Variants in RTN1 observed in about 807,000 individuals in gnomAD.
RTN1 encodes reticulon-1.
Under a neutral mutation model 65.5 loss-of-function variants are expected in RTN1, and 25 were observed. That is an observed-to-expected ratio of 0.38 (90% CI 0.28 to 0.53). The LOEUF is 0.53. Ranked by LOEUF, RTN1 falls within the 20% of genes least tolerant of loss-of-function variation. The probability of loss-of-function intolerance (pLI) is 0.79; values close to 1 mark genes in which losing one functional copy is unlikely to be tolerated. For missense variants in RTN1, 983 were observed against 1,025.4 expected, an observed-to-expected ratio of 0.96 and a Z score of 0.57; for synonymous variants, 471 against 447.6, an observed-to-expected ratio of 1.05 and a Z score of -0.66.
At chr14:59,827,370 G>A (rs938454584) in intron 1 of RTN1, among the ~76,000 whole-genome samples, 3 of 152,100 alleles carry the variant, frequency 2.0e-5, no homozygotes, top group Non-Finnish European at 2.9e-5. Flanking sequence ...GAGCCACCGC[G>A]CCCCGCTGTA....
intron 3 of RTN1, among the ~76,000 whole-genome samples, chr14:59,664,525 CATT>C (rs1883324098): frequency 6.6e-6 from 1 of 152,044 alleles, no homozygotes; most frequent in African/African-American, 2.4e-5. Flanking sequence ...AGGCAACTAA[CATT>C]ATTTTTTATT....
At chr14:59,844,414 C>A (rs990232579) in intron 1 of RTN1, among the ~76,000 whole-genome samples, 1 of 152,142 alleles carries the variant, frequency 6.6e-6, no homozygotes, top group African/African-American at 2.4e-5. Context: ...GTTTTAAAAC[C>A]TTTAAAAGGT....
At chr14:59,620,909 C>T (rs974140564) in intron 3 of RTN1, among the ~76,000 whole-genome samples, 1 of 152,124 alleles carries the variant, frequency 6.6e-6, no homozygotes, top group Non-Finnish European at 1.5e-5. Context: ...CTGGGAATGA[C>T]GGACAGTCTA....
intron 3 of RTN1, among the ~76,000 whole-genome samples, chr14:59,708,763 A>G (rs76989983): frequency 1.3e-3 from 193 of 152,376 alleles, no homozygotes; most frequent in African/African-American, 4.6e-3. Context: ...CCAGTTACTA[A>G]GAAGTCAGGA....
chr14:59,723,504 C>A (rs1021798852), intron 3 of RTN1, among the ~76,000 whole-genome samples: 9 of 151,782 alleles, frequency 5.9e-5, no homozygotes, highest in African/African-American at 2.2e-4. Flanking sequence ...GTAGTCCCAG[C>A]TACTCGGGAG....
intron 1 of RTN1, among the ~76,000 whole-genome samples, chr14:59,808,676 TG>T (rs1393269222): frequency 6.6e-6 from 1 of 152,140 alleles, no homozygotes; most frequent in Non-Finnish European, 1.5e-5. Flanking sequence ...ATGTTGGCAG[TG>T]GGGCTTGGTG....
chr14:59,755,933 G>C (rs151292701), intron 1 of RTN1, among the ~76,000 whole-genome samples: 19 of 152,298 alleles, frequency 1.2e-4, no homozygotes, highest in African/African-American at 3.6e-4. Flanking sequence ...TTTAAAGCTT[G>C]TCTGCCAGAA....
At chr14:59,725,588 T>C (rs1420527417) in intron 3 of RTN1, among the ~76,000 whole-genome samples, 2 of 152,224 alleles carry the variant, frequency 1.3e-5, no homozygotes, top group Non-Finnish European at 2.9e-5. Context: ...GTATCTTCCC[T>C]ATCACACACA....
At position 59,671,400 on chromosome 14, in the gene RTN1, T is replaced by C. The variant is rs190524828; in HGVS notation, c.1765+55519A>G. Among the ~76,000 whole-genome samples the C allele has an allele frequency of 2.7e-3, 409 of 152,310 alleles. 2 individuals carry two copies. Among genetic ancestry groups the C allele is most frequent in the African/African-American group, 9.1e-3 (377 of 41,558 alleles). On this transcript the variant is annotated intron_variant, in intron 3 of 8. Transcript: ENST00000267484. ...ACATGGAAGGAAGATTACTTGTAACTCATATACAAACCAAAGAGCAGAGAA... is the reference window on the plus strand; with the variant it reads ...ACATGGAAGGAAGATTACTTGTAACCCATATACAAACCAAAGAGCAGAGAA...
intron 3 of RTN1, among the ~76,000 whole-genome samples, chr14:59,621,639 CA>C (rs1223302532): frequency 6.6e-6 from 1 of 152,084 alleles, no homozygotes; most frequent in East Asian, 1.9e-4. Flanking sequence ...CAATCAATAA[CA>C]AAAGAAGAAT....
chr14:59,607,653 T>G, intron 3 of RTN1, 161 bp from the exon 4 acceptor site: 1 of 637,818 alleles, frequency 1.6e-6, no homozygotes, highest in Non-Finnish European at 2.8e-6. Flanking sequence ...GGGCACTTAC[T>G]GTCATTCCAC....
chr14:59,803,300 C>T lies in RTN1; in HGVS notation c.242-56819G>A, dbSNP rs1390300977. 6.6e-6 allele frequency among the ~76,000 whole-genome samples: 1 copy of T among 152,160 alleles called. No homozygotes were observed. Among genetic ancestry groups the T allele is most frequent in the African/African-American group, 2.4e-5 (1 of 41,438 alleles). Reference sequence around the variant, plus strand: ...GGTCACAATTGAACAAATGCCTTTACAAGCTAAGAATTCAATCCAGATGTG... The same window carrying T: ...GGTCACAATTGAACAAATGCCTTTATAAGCTAAGAATTCAATCCAGATGTG... On this transcript the variant is annotated intron_variant, in intron 1 of 8. Transcript: ENST00000267484. The surrounding 1 kb of genome is among the most constrained non-coding windows in gnomAD (Gnocchi z 5.6).
intron 3 of RTN1, among the ~76,000 whole-genome samples, chr14:59,611,388 G>A (rs1452775908): frequency 1.3e-5 from 2 of 152,216 alleles, no homozygotes; most frequent in Non-Finnish European, 2.9e-5. Context: ...TAATTGCAAT[G>A]GAGAAATAGT....
chr14:59,647,517 G>A (rs1186351852), intron 3 of RTN1, among the ~76,000 whole-genome samples: 1 of 152,102 alleles, frequency 6.6e-6, no homozygotes, highest in Non-Finnish European at 1.5e-5. Context: ...TCACCACATG[G>A]CACATATTGT....
Position 59,727,031 on chromosome 14 carries a change from T to C in RTN1, c.1653A>G (p.Pro551=), listed in dbSNP as rs768996269. 12 of 1,613,496 alleles carry C rather than the reference T, an allele frequency of 7.4e-6. No individual in the cohort carries two copies. The highest frequency in any genetic ancestry group is 1.3e-5 in the African/African-American group (1 of 75,008). The change falls in exon 3 of 9, where the codon CCA becomes CCG. Residue 551 remains proline (P), a synonymous_variant. Coordinates refer to ENST00000267484, the MANE Select transcript of RTN1 (RefSeq NM_021136.3). The surrounding 1 kb of genome is among the most constrained non-coding windows in gnomAD (Gnocchi z 4.2). Reference sequence around the variant, plus strand: ...AACTCGAGTCTTCTTCAGGCTTCCGTGGCAACATGGGCGTCTCAGGCTCCA... The same window carrying C: ...AACTCGAGTCTTCTTCAGGCTTCCGCGGCAACATGGGCGTCTCAGGCTCCA... ...GALEPETPML[P]RKPEEDSSSN... is the part of the protein sequence containing the mutation.
intron 3 of RTN1, among the ~76,000 whole-genome samples, chr14:59,698,182 G>A (rs914271085): frequency 1.1e-4 from 16 of 152,142 alleles, no homozygotes; most frequent in Non-Finnish European, 1.6e-4. Context: ...TGAGTTCTCT[G>A]TACTGAGAAT....
chr14:59,807,826 C>T (rs1270822533), intron 1 of RTN1, among the ~76,000 whole-genome samples: 1 of 152,174 alleles, frequency 6.6e-6, no homozygotes, highest in Non-Finnish European at 1.5e-5. Context: ...GAAGGAAAAA[C>T]TAGTTCCACA....
chr14:59,746,063 C>T lies in RTN1; in HGVS notation c.660G>A (p.Leu220=), dbSNP rs147824671. Residue 220 remains leucine, a synonymous_variant, in exon 2 of 9, where the codon TTG becomes TTA. Coordinates refer to ENST00000267484, the MANE Select transcript of RTN1 (RefSeq NM_021136.3). ...TGTCAGTGTCTTTATTCTTAAAGTCCAAGTCTTTATCTTCCAGCTCGGGGT... is the reference window on the plus strand; with the variant it reads ...TGTCAGTGTCTTTATTCTTAAAGTCTAAGTCTTTATCTTCCAGCTCGGGGT... ...QHHPELEDKD[L]DFKNKDTDIS... 1,940 of 1,613,984 alleles carry T rather than the reference C, an allele frequency of 1.2e-3. 2 individuals carry two copies. Among genetic ancestry groups the T allele is most frequent in the Middle Eastern group, 4.5e-3 (27 of 6,062 alleles).
chr14:59,707,088 C>G (rs1225535070), intron 3 of RTN1, among the ~76,000 whole-genome samples: 1 of 152,204 alleles, frequency 6.6e-6, no homozygotes, highest in Non-Finnish European at 1.5e-5. Context: ...GAACTGAGAA[C>G]TGAAGAACAA....
Sources: gnomAD v4.1 joint callset for allele counts (sites outside exome capture counted in the v4.1 genomes callset) on GRCh38, gnomAD v4.1.1 for gene constraint, Gnocchi (gnomAD v3.1) non-coding constraint, MANE v1.5 for transcripts, NCBI Gene and HGNC (gene_info 2026-07-23, HGNC 2026-07-21) for gene names.